Variants in SPRY3 observed in about 807,000 individuals in gnomAD.
SPRY3 encodes protein sprouty homolog 3.
SPRY3 carries 15 observed loss-of-function variants against 20.2 expected under a neutral mutation model. The observed-to-expected ratio is 0.74, with a 90% confidence interval of 0.50 to 1.14. The LOEUF is 1.14. Ranked by LOEUF, SPRY3 falls within the 50% of genes most tolerant of loss-of-function variation. SPRY3 has a pLI of 0.00. For synonymous variants in SPRY3, 143 were observed against 136.5 expected, an observed-to-expected ratio of 1.05 and a Z score of -0.33; for missense variants, 364 against 363.9, an observed-to-expected ratio of 1.00 and a Z score of 0.00.
At chrX:155,752,283 G>C (rs767412191) in intron 2 of SPRY3, among the ~76,000 whole-genome samples, 1 of 150,834 alleles carries the variant, frequency 6.6e-6, no homozygotes, top group African/African-American at 2.4e-5. Context: ...GGATCAAAGA[G>C]CTATCAAAAA....
intron 1 of SPRY3, among the ~76,000 whole-genome samples, chrX:155,646,703 C>G (rs1431287571): frequency 7.2e-5 from 8 of 111,697 alleles, no homozygotes; most frequent in Non-Finnish European, 1.3e-4. Flanking sequence ...TCAGGGTTTT[C>G]TACATGTAGA....
At chrX:155,654,987 G>A (rs1569562508) in intron 1 of SPRY3, among the ~76,000 whole-genome samples, 2 of 111,309 alleles carry the variant, frequency 1.8e-5, no homozygotes, top group Admixed American at 9.5e-5. Context: ...CATCAACAAT[G>A]TATAAGCATA....
At chrX:155,613,499 T>A (rs893905929) in intron 1 of SPRY3, among the ~76,000 whole-genome samples, 4 of 110,751 alleles carry the variant, frequency 3.6e-5, no homozygotes, top group African/African-American at 1.3e-4. Context: ...AAAATGAGAG[T>A]AAGAACAACA....
chrX:155,768,230 T>G (rs965706818), intron 3 of SPRY3, 94 bp downstream of exon 2: 4 of 130 alleles, frequency 0.031, no homozygotes, highest in African/African-American at 0.17. Flanking sequence ...GCTGTCTCTG[T>G]GTGCGTGTGT....
At chrX:155,691,872 T>G (rs1345877325) in intron 2 of SPRY3, among the ~76,000 whole-genome samples, 1 of 87,583 alleles carries the variant, frequency 1.1e-5, no homozygotes, top group African/African-American at 5.5e-5. Context: ...GATACTGTAC[T>G]CTAGATTTTT....
At chrX:155,755,102 T>C (rs2091279071) in intron 2 of SPRY3, among the ~76,000 whole-genome samples, 3 of 141,092 alleles carry the variant, frequency 2.1e-5, no homozygotes, top group Admixed American at 2.1e-4. Context: ...GGCTGTTGGG[T>C]AACAGCAGTG....
At chrX:155,768,645 C>T (rs1416734056) in intron 3 of SPRY3, among the ~76,000 whole-genome samples, 2 of 152,078 alleles carry the variant, frequency 1.3e-5, no homozygotes, top group Admixed American at 6.6e-5. Flanking sequence ...CAAGCTGACA[C>T]GGCAGAACCC....
intron 1 of SPRY3, among the ~76,000 whole-genome samples, chrX:155,616,449 C>G (rs1208028015): frequency 1.8e-5 from 2 of 110,576 alleles, no homozygotes; most frequent in Non-Finnish European, 3.8e-5. Context: ...TAGAGGAATC[C>G]TGCGTTAGAC....
chrX:155,694,757 C>G (rs900131901), intron 2 of SPRY3, among the ~76,000 whole-genome samples: 1 of 111,466 alleles, frequency 9.0e-6, no homozygotes, highest in Non-Finnish European at 1.9e-5. Flanking sequence ...ACCTAGATCC[C>G]TCACATGCGC....
At chrX:155,722,686 A>G (rs9650965) in intron 2 of SPRY3, among the ~76,000 whole-genome samples, 4,539 of 152,204 alleles carry the variant, frequency 0.03, 83 homozygotes, top group Non-Finnish European at 0.042. Flanking sequence ...CAAACATAAC[A>G]TTGAAAATAA....
At position 155,694,097 on chromosome X, in the gene SPRY3, G is replaced by T. The variant is rs369026149; in HGVS notation, c.-282+37072G>T. On this transcript the variant is annotated intron_variant, in intron 2 of 3. Transcript: ENST00000675360. Reference sequence around the variant, plus strand: ...TGGGATTATAGGCATGAGCCACCATGCTTGGCCATAGACCATTAATTCTTA... The same window carrying T: ...TGGGATTATAGGCATGAGCCACCATTCTTGGCCATAGACCATTAATTCTTA... Among the ~76,000 whole-genome samples, 4 of 112,684 alleles carry T rather than the reference G, an allele frequency of 3.5e-5. No individual in the cohort carries two copies. The South Asian group carries it at 1.5e-3, about 41-fold the overall frequency.
intron 2 of SPRY3, among the ~76,000 whole-genome samples, chrX:155,657,639 T>C (rs1405827992): frequency 9.0e-6 from 1 of 111,218 alleles, no homozygotes; most frequent in Non-Finnish European, 1.9e-5. Context: ...CTCCCTGGGG[T>C]TCCAGGCGCC....
intron 2 of SPRY3, among the ~76,000 whole-genome samples, chrX:155,719,988 G>A (rs1465890387): frequency 2.0e-5 from 3 of 152,094 alleles, no homozygotes; most frequent in Non-Finnish European, 4.4e-5. Flanking sequence ...CACCAAATGG[G>A]CTCTTGGAGT....
chrX:155,652,361 T>TA (rs1305807372), intron 1 of SPRY3, among the ~76,000 whole-genome samples: 8 of 111,470 alleles, frequency 7.2e-5, no homozygotes, highest in Non-Finnish European at 1.1e-4. Flanking sequence ...ATTTTTTTTT[T>TA]ATCCATTAAC....
intron 1 of SPRY3, among the ~76,000 whole-genome samples, chrX:155,648,309 T>A (rs2067964424): frequency 8.9e-6 from 1 of 112,777 alleles, no homozygotes; most frequent in African/African-American, 3.2e-5. Context: ...TTTAATTAGA[T>A]CCCATTTGTC....
intron 2 of SPRY3, among the ~76,000 whole-genome samples, chrX:155,658,755 C>T (rs782656883): frequency 8.9e-6 from 1 of 112,048 alleles, no homozygotes; most frequent in South Asian, 3.7e-4. Context: ...GCATCCTTGA[C>T]TTCTTCCTGT....
chrX:155,708,854 A>G (rs977131137), intron 2 of SPRY3, among the ~76,000 whole-genome samples: 1 of 151,242 alleles, frequency 6.6e-6, no homozygotes, highest in African/African-American at 2.4e-5. Flanking sequence ...CATTCTAACT[A>G]TTTTTTGGTA....
chrX:155,639,908 A>G (rs2067935603), intron 1 of SPRY3, among the ~76,000 whole-genome samples: 1 of 112,250 alleles, frequency 8.9e-6, no homozygotes, highest in South Asian at 3.7e-4. Flanking sequence ...AGCCATCCTA[A>G]TAAATATGAA....
intron 2 of SPRY3, among the ~76,000 whole-genome samples, chrX:155,743,570 T>G (rs1215299104): frequency 6.6e-6 from 1 of 152,056 alleles, no homozygotes; most frequent in Non-Finnish European, 1.5e-5. Flanking sequence ...AATATACATA[T>G]AAAAATGCCT....
Sources: allele counts gnomAD v4.1 joint callset (sites outside exome capture counted in the v4.1 genomes callset), GRCh38; gene constraint gnomAD v4.1.1; transcripts MANE v1.5; gene names NCBI Gene and HGNC (gene_info 2026-07-23, HGNC 2026-07-21).